Variants in CSN3 observed in about 807,000 individuals in gnomAD.
The protein encoded by CSN3 is casein kappa.
A neutral mutation model predicts 9.9 loss-of-function variants in CSN3; 7 were observed. The observed-to-expected ratio is 0.71, with a 90% CI of 0.40 to 1.33. CSN3 has a LOEUF of 1.33. CSN3 is among the 40% of genes most tolerant of loss of function. CSN3 has a pLI of 0.01. For synonymous variants in CSN3, 88 were observed against 82.3 expected (o/e 1.07, Z -0.37); for missense variants, 253 against 227.9 (o/e 1.11, Z -0.71).
chr4:70,238,944 G>T (rs1730222322), upstream of CSN3, among the ~76,000 whole-genome samples: 1 of 151,830 alleles, frequency 6.6e-6, no homozygotes, highest in Non-Finnish European at 1.5e-5. Flanking sequence ...TTTTGTTCAT[G>T]ATAATTTGGA....
chr4:70,251,179 A>C (rs1194419918), intron 4 of CSN3, 83 bp from the exon 5 acceptor site: 1 of 152,190 alleles, frequency 6.6e-6, no homozygotes, highest in Non-Finnish European at 1.5e-5. Context: ...TGAAAGAAAA[A>C]TTGTGGAAGC....
upstream of CSN3, among the ~76,000 whole-genome samples, chr4:70,241,382 G>T (rs577834775): frequency 2.3e-4 from 35 of 152,024 alleles, no homozygotes; most frequent in South Asian, 7.0e-3. Flanking sequence ...CTAGGGTTTA[G>T]AATATTGTTC....
chr4:70,242,333 T>G (rs965223900), upstream of CSN3, among the ~76,000 whole-genome samples: 107 of 119,862 alleles, frequency 8.9e-4, 2 homozygotes, highest in African/African-American at 2.6e-3. Flanking sequence ...TATTATACTT[T>G]AAGTTTTAGG....
intron 2 of CSN3, among the ~76,000 whole-genome samples, chr4:70,245,547 G>A (rs1730361145): frequency 1.3e-5 from 2 of 151,916 alleles, no homozygotes; most frequent in South Asian, 4.2e-4. Context: ...TTAATTTTTT[G>A]ACTTGTTTTT....
At chr4:70,244,601 T>C (rs531730990) in intron 1 of CSN3, among the ~76,000 whole-genome samples, 250 of 152,232 alleles carry the variant, frequency 1.6e-3, no homozygotes, top group African/African-American at 5.5e-3. Flanking sequence ...AATTTGATAA[T>C]TCCGTTAATA....
At chr4:70,245,728 A>C (rs928174195) in intron 2 of CSN3, among the ~76,000 whole-genome samples, 15 of 152,120 alleles carry the variant, frequency 9.9e-5, no homozygotes, top group Non-Finnish European at 1.6e-4. Context: ...TTTATTATTA[A>C]GTTTAGAGTT....
upstream of CSN3, among the ~76,000 whole-genome samples, chr4:70,238,635 A>T (rs1218075587): frequency 6.6e-6 from 1 of 151,926 alleles, no homozygotes; most frequent in East Asian, 1.9e-4. Flanking sequence ...GATAAGAGTG[A>T]AAGTAAAGAG....
At chr4:70,248,070 T>C (rs1302294128) in intron 3 of CSN3, among the ~76,000 whole-genome samples, 2 of 152,196 alleles carry the variant, frequency 1.3e-5, no homozygotes, top group Non-Finnish European at 2.9e-5. Context: ...CCAAATCATG[T>C]ATCTTTGGTT....
At chr4:70,239,406 A>G (rs1228230889), upstream of CSN3, among the ~76,000 whole-genome samples, 1 of 151,846 alleles carries the variant, frequency 6.6e-6, no homozygotes, top group African/African-American at 2.4e-5. Flanking sequence ...GAATGAAGTA[A>G]ACATAGGACA....
intron 4 of CSN3, among the ~76,000 whole-genome samples, chr4:70,249,698 T>C (rs1338753348): frequency 6.6e-6 from 1 of 152,196 alleles, no homozygotes; most frequent in Non-Finnish European, 1.5e-5. Flanking sequence ...ATAATTTTAT[T>C]TGACAAAGTG....
intron 1 of CSN3, among the ~76,000 whole-genome samples, chr4:70,242,866 CT>C (rs1730300142): frequency 6.6e-6 from 1 of 152,032 alleles, no homozygotes; most frequent in East Asian, 1.9e-4. Context: ...TTTAACTTTA[CT>C]TTGGGTTCCA....
At chr4:70,241,735 ATT>A (rs11332970), upstream of CSN3, among the ~76,000 whole-genome samples, 991 of 151,668 alleles carry the variant, frequency 6.5e-3, 5 homozygotes, top group African/African-American at 0.023. Context: ...TAATTTAATA[ATT>A]TTTTTTTCAA....
At chr4:70,249,843 T>C (rs183940987) in intron 4 of CSN3, among the ~76,000 whole-genome samples, 12 of 152,338 alleles carry the variant, frequency 7.9e-5, no homozygotes, top group African/African-American at 2.6e-4. Context: ...ATTTTCATGA[T>C]ATTTCAAAAA....
intron 3 of CSN3, among the ~76,000 whole-genome samples, chr4:70,248,197 C>T (rs1307519661): frequency 6.6e-6 from 1 of 152,088 alleles, no homozygotes; most frequent in East Asian, 1.9e-4. Context: ...AGGGAAGATC[C>T]TTTTCTGACC....
intron 3 of CSN3, among the ~76,000 whole-genome samples, chr4:70,248,411 C>A (rs984763656): frequency 2.6e-4 from 39 of 152,180 alleles, no homozygotes; most frequent in Middle Eastern, 3.4e-3. Flanking sequence ...TTTATCTAAT[C>A]TTTTGTGAAG....
At chr4:70,244,386 A>AT (rs955975356) in intron 1 of CSN3, among the ~76,000 whole-genome samples, 17 of 151,972 alleles carry the variant, frequency 1.1e-4, no homozygotes, top group African/African-American at 3.1e-4. Flanking sequence ...TCTATATGTC[A>AT]TTTTTTCCAC....
At chr4:70,248,503 G>A (rs1010556582) in intron 3 of CSN3, among the ~76,000 whole-genome samples, 10 of 152,022 alleles carry the variant, frequency 6.6e-5, no homozygotes, top group African/African-American at 2.2e-4. Context: ...CTATAGTTTA[G>A]GAAAAAATAA....
At chr4:70,244,929 GGCTTTAACTAT>G in intron 2 of CSN3, 56 bp downstream of exon 2, 2 of 1,024,366 alleles carry the variant, frequency 2.0e-6, no homozygotes, top group Non-Finnish European at 2.8e-6. Context: ...TTTGTTTAAG[GGCTTTAACTAT>G]GCAAACTTCT....
chr4:70,239,910 T>A (rs1372608696), upstream of CSN3, among the ~76,000 whole-genome samples: 3 of 152,020 alleles, frequency 2.0e-5, no homozygotes, highest in Non-Finnish European at 4.4e-5. Flanking sequence ...CATTTCTTTT[T>A]TGTATGCTTT....
Sources: gnomAD v4.1 joint callset for allele counts (sites outside exome capture counted in the v4.1 genomes callset) on GRCh38, gnomAD v4.1.1 for gene constraint, MANE v1.5 for transcripts, NCBI Gene and HGNC (gene_info 2026-07-23, HGNC 2026-07-21) for gene names.